STAG1: variants seen among roughly 807,000 people sequenced by gnomAD.
STAG1 encodes the protein cohesin subunit SA-1.
A neutral mutation model predicts 170.9 loss-of-function variants in STAG1; 26 were observed. The ratio of observed to expected loss-of-function variants is 0.15; its 90% CI spans 0.11 to 0.21. The LOEUF (loss-of-function observed/expected upper bound fraction) is 0.21. Ranked by LOEUF, STAG1 falls within the 10% of genes least tolerant of loss-of-function variation. STAG1 has a pLI of 1.00. For missense variants in STAG1, 964 were observed against 1,509.5 expected, an observed-to-expected ratio of 0.64 and a Z score of 5.99; for synonymous variants, 514 against 497.7, an observed-to-expected ratio of 1.03 and a Z score of -0.44.
At chr3:136,672,498 G>T (rs1165566303) in intron 1 of STAG1, among the ~76,000 whole-genome samples, 1 of 152,148 alleles carries the variant, frequency 6.6e-6, no homozygotes, top group Non-Finnish European at 1.5e-5. Flanking sequence ...ATGTAGTTTA[G>T]AGAGAGAAAA....
At chr3:136,362,605 CAA>C (rs1237413699) in intron 26 of STAG1, among the ~76,000 whole-genome samples, 2 of 42,434 alleles carry the variant, frequency 4.7e-5, no homozygotes, top group Non-Finnish European at 1.0e-4. Context: ...ATCATCTCTG[CAA>C]AAAAAAAAAA....
At position 136,477,418 on chromosome 3, in the gene STAG1, G is replaced by GA. The variant is rs1559828633; in HGVS notation, c.903-7dup. The stretch of plus-strand genomic sequence containing the variant: ...TAATCTCAGCAATAGCATCACTAGA[G>GA]AGAGAAAAAAAAGACAATCTCAAAT... On this transcript the variant is annotated splice_polypyrimidine_tract_variant and splice_region_variant and intron_variant, in intron 9 of 33. Transcript: ENST00000383202. 1 of 1,590,760 alleles carries GA rather than the reference G, an allele frequency of 6.3e-7. No homozygotes were observed. The highest frequency in any genetic ancestry group is 1.2e-5 in the South Asian group (1 of 86,628).
intron 29 of STAG1, among the ~76,000 whole-genome samples, chr3:136,347,104 AAAAC>A (rs1936255131): frequency 6.6e-6 from 1 of 150,674 alleles, no homozygotes. Context: ...AAAGAAAAGA[AAAAC>A]AAAAGGCCAG....
At chr3:136,416,612 A>T (rs945197333) in intron 21 of STAG1, among the ~76,000 whole-genome samples, 3 of 152,246 alleles carry the variant, frequency 2.0e-5, no homozygotes, top group African/African-American at 7.2e-5. Flanking sequence ...TGGCTTGAAA[A>T]TATGAGTGAA....
chr3:136,341,505 A>C lies in STAG1; in HGVS notation c.3493T>G (p.Leu1165Val). The change falls in exon 31 of 34, where the codon TTA (leucine) becomes GTA (valine). Residue 1165 changes from leucine to valine, a missense_variant. By Grantham distance (32) the Leu-to-Val change is conservative (BLOSUM62 1). Coordinates refer to ENST00000383202, the MANE Select transcript of STAG1 (RefSeq NM_005862.3). ...SWLGQPKLED[L>V]NRKDRTGMNY... ...ATTCCTGTTCTGTCCTTCCGATTTA[A>C]GTCTTCTAACTTCGGCTGGCCTAAC... is the stretch of plus-strand genomic sequence containing the variant. The C allele has an allele frequency of 1.2e-6, 2 of 1,613,944 alleles. No homozygotes were observed. The highest frequency in any genetic ancestry group is 1.7e-6 in the Non-Finnish European group (2 of 1,179,958).
intron 1 of STAG1, among the ~76,000 whole-genome samples, chr3:136,732,107 T>G (rs957200040): frequency 1.3e-5 from 2 of 152,056 alleles, no homozygotes; most frequent in African/African-American, 4.8e-5. Flanking sequence ...CCCAGAGAAG[T>G]AATCAATCAA....
intron 1 of STAG1, among the ~76,000 whole-genome samples, chr3:136,704,821 C>CAAAAAAAAAAAAAAAAAAAAA: frequency 1.9e-5 from 1 of 51,424 alleles, no homozygotes; most frequent in Non-Finnish European, 3.6e-5. Flanking sequence ...GTCCCTGTCT[C>CAAAAAAAAAAAAAAAAAAAAA]AAAAAAAAAA....
At chr3:136,526,260 C>G (rs1485819455) in intron 6 of STAG1, among the ~76,000 whole-genome samples, 1 of 152,008 alleles carries the variant, frequency 6.6e-6, no homozygotes, top group African/African-American at 2.4e-5. Flanking sequence ...AAGGACTTTC[C>G]TTATGAATCT....
chr3:136,452,555 G>GAA (rs796971118), intron 13 of STAG1, among the ~76,000 whole-genome samples: 21 of 125,010 alleles, frequency 1.7e-4, no homozygotes, highest in African/African-American at 5.6e-4. Flanking sequence ...CAGAGACTCC[G>GAA]AAAAAAAAAA....
At chr3:136,650,109 G>A (rs1941164772) in intron 1 of STAG1, among the ~76,000 whole-genome samples, 1 of 151,962 alleles carries the variant, frequency 6.6e-6, no homozygotes, top group Non-Finnish European at 1.5e-5. Flanking sequence ...GGTGGCATGT[G>A]CCTGTAGCCC....
At chr3:136,344,055 C>G in intron 29 of STAG1, 49 bp from the exon 30 acceptor site, 1 of 1,414,758 alleles carries the variant, frequency 7.1e-7, no homozygotes, top group Non-Finnish European at 9.5e-7. Flanking sequence ...GGAGTGAACT[C>G]TGGTAGCAGT....
At chr3:136,655,048 C>T (rs1418644523) in intron 1 of STAG1, among the ~76,000 whole-genome samples, 1 of 152,116 alleles carries the variant, frequency 6.6e-6, no homozygotes, top group East Asian at 1.9e-4. Flanking sequence ...ACAGAAAAAA[C>T]ATAAGACAAA....
rs1002617356 is a variant in STAG1, at chr3:136,459,247, G to T, written c.1313+5634C>A. Among the ~76,000 whole-genome samples the T allele has an allele frequency of 7.9e-4, 117 of 148,296 alleles. 1 individual carries two copies. Among genetic ancestry groups the T allele is most frequent in the African/African-American group, 2.8e-3 (115 of 40,610 alleles). ...AAAAAAAAAAAAAAAGAAAAGAAAA[G>T]AAAAGAAAAAAAGACAAAGAATACC... On this transcript the variant is annotated intron_variant, in intron 13 of 33. Coordinates refer to ENST00000383202, the MANE Select transcript of STAG1 (RefSeq NM_005862.3).
At chr3:136,642,931 C>T (rs576631020) in intron 1 of STAG1, among the ~76,000 whole-genome samples, 76 of 152,320 alleles carry the variant, frequency 5.0e-4, no homozygotes, top group African/African-American at 1.7e-3. Flanking sequence ...CTTCACATGG[C>T]CATCTTCCCT....
intron 1 of STAG1, among the ~76,000 whole-genome samples, chr3:136,728,914 G>A (rs1271348732): frequency 6.6e-6 from 1 of 152,066 alleles, no homozygotes; most frequent in Non-Finnish European, 1.5e-5. Context: ...AAAGAACTTA[G>A]GTTTCATTTC....
intron 9 of STAG1, among the ~76,000 whole-genome samples, chr3:136,485,018 T>C (rs1418031929): frequency 6.6e-6 from 1 of 152,178 alleles, no homozygotes; most frequent in Non-Finnish European, 1.5e-5. Flanking sequence ...CAGATGGAAA[T>C]GCAGAAATCA....
intron 1 of STAG1, among the ~76,000 whole-genome samples, chr3:136,682,570 A>C (rs1277511790): frequency 1.3e-5 from 2 of 151,976 alleles, no homozygotes; most frequent in Non-Finnish European, 2.9e-5. Flanking sequence ...AAATTACCAA[A>C]AATTTACATT....
chr3:136,361,543 TG>T (rs1164000878), intron 26 of STAG1, among the ~76,000 whole-genome samples: 1 of 152,198 alleles, frequency 6.6e-6, no homozygotes, highest in East Asian at 1.9e-4. Context: ...TCTATATCTT[TG>T]TCAATCATTT....
intron 1 of STAG1, among the ~76,000 whole-genome samples, chr3:136,650,808 A>C (rs984847383): frequency 6.6e-6 from 1 of 152,190 alleles, no homozygotes; most frequent in Non-Finnish European, 1.5e-5. Flanking sequence ...CAATGAGCTC[A>C]AGAAAAAATA....
Sources: gnomAD v4.1 joint callset for allele counts (sites outside exome capture counted in the v4.1 genomes callset) on GRCh38, gnomAD v4.1.1 for gene constraint, MANE v1.5 for transcripts, NCBI Gene and HGNC (gene_info 2026-07-23, HGNC 2026-07-21) for gene names.